POLQ: variants seen among roughly 807,000 people sequenced by gnomAD.
POLQ encodes the protein epididymis secretory sperm binding protein.
In POLQ, 233 loss-of-function variants were observed where a neutral mutation model predicts 259.2. That is an observed-to-expected ratio of 0.90 (90% CI 0.81 to 1.00). The LOEUF (loss-of-function observed/expected upper bound fraction) is 1.00, where lower values mean the gene tolerates loss of function less well. POLQ is among the 50% of genes least tolerant of loss of function. The pLI is 0.00. For synonymous variants in POLQ, 1,025 were observed against 1,048.8 expected (o/e 0.98, Z 0.44); for missense variants, 2,871 against 3,051.6 (o/e 0.94, Z 1.39).
chr3:121,462,547 T>A (rs1245317077), intron 24 of POLQ, among the ~76,000 whole-genome samples: 3 of 152,170 alleles, frequency 2.0e-5, no homozygotes, highest in African/African-American at 7.2e-5. Flanking sequence ...TTCCCTTGGA[T>A]TTTTGACCAA....
intron 8 of POLQ, chr3:121,521,802 C>T (rs2048338141): frequency 3.2e-6 from 1 of 316,414 alleles, no homozygotes; most frequent in African/African-American, 2.2e-5. Flanking sequence ...AACTCCTGAT[C>T]TCAGGTGATC....
Position 121,489,217 on chromosome 3 carries a change from T to C in POLQ, c.3714A>G (p.Glu1238=). The part of the protein sequence containing the change: ...NRDSNVTINC[E]RIKLNTEENK... The stretch of plus-strand genomic sequence containing the variant: ...TTTCCTCTGTATTAAGCTTTATCCT[T>C]TCACAATTGATAGTAACATTTGAGT... The change falls in exon 16 of 30, where the codon GAA becomes GAG. Residue 1238 remains glutamate (E), a synonymous_variant. Transcript: ENST00000264233. 6.2e-7 allele frequency: 1 copy of C among 1,612,344 alleles called. No homozygotes were observed. Among genetic ancestry groups the C allele is most frequent in the East Asian group, 2.2e-5 (1 of 44,862 alleles).
chr3:121,456,296 G>A (rs2108781875), intron 25 of POLQ, among the ~76,000 whole-genome samples: 1 of 152,076 alleles, frequency 6.6e-6, no homozygotes, highest in Non-Finnish European at 1.5e-5. Context: ...GGCAAAAACT[G>A]GAAGCATTCC....
intron 19 of POLQ, among the ~76,000 whole-genome samples, chr3:121,480,067 C>T (rs2047958662): frequency 6.6e-6 from 1 of 151,368 alleles, no homozygotes; most frequent in Non-Finnish European, 1.5e-5. Flanking sequence ...TTAGCAATAG[C>T]TGTATATCAA....
chr3:121,490,919 G>C (rs1237248971), intron 15 of POLQ, among the ~76,000 whole-genome samples: 1 of 151,970 alleles, frequency 6.6e-6, no homozygotes, highest in Non-Finnish European at 1.5e-5. Context: ...GCCAGGCATG[G>C]TAGCGGGTAC....
In POLQ at chr3:121,436,292, A is replaced by T. The variant is rs1326656613; in HGVS notation, c.7390-17T>A. 1.2e-6 allele frequency: 2 copies of T among 1,612,698 alleles called. No homozygotes were observed. Among genetic ancestry groups the T allele is most frequent in the African/African-American group, 1.3e-5 (1 of 74,874 alleles). The stretch of plus-strand genomic sequence containing the variant: ...ACGCTCAGCCTAGAAAAAACAATCA[A>T]CAGGTGCTCCACCAGATATGCCAAC... On this transcript the variant is annotated splice_polypyrimidine_tract_variant and intron_variant, in intron 27 of 29. Coordinates refer to ENST00000264233, the MANE Select transcript of POLQ (RefSeq NM_199420.4).
chr3:121,472,328 A>G (rs1488010268), intron 21 of POLQ, among the ~76,000 whole-genome samples, 164 bp from the exon 22 acceptor site: 5 of 152,258 alleles, frequency 3.3e-5, no homozygotes. Flanking sequence ...TGATAAAACT[A>G]TAACTACAGT....
intron 25 of POLQ, among the ~76,000 whole-genome samples, chr3:121,451,869 T>C (rs1480657109): frequency 1.3e-5 from 2 of 152,240 alleles, no homozygotes; most frequent in East Asian, 1.9e-4. Context: ...TGTTTGGCTA[T>C]GCCCTGCCCC....
At chr3:121,466,691 GAA>G (rs202168653) in intron 24 of POLQ, among the ~76,000 whole-genome samples, 2 of 127,774 alleles carry the variant, frequency 1.6e-5, no homozygotes. Context: ...ACTCCATCTC[GAA>G]AAAAAAAAAA....
intron 7 of POLQ, among the ~76,000 whole-genome samples, chr3:121,525,254 T>A (rs1249758565): frequency 6.6e-6 from 1 of 150,916 alleles, no homozygotes; most frequent in East Asian, 1.9e-4. Context: ...GGCAGGAGAA[T>A]GGCGTGAACC....
intron 25 of POLQ, among the ~76,000 whole-genome samples, chr3:121,451,787 C>A (rs886206377): frequency 2.6e-5 from 4 of 152,138 alleles, no homozygotes. Context: ...AAACTCCGTG[C>A]GGGGAGAACC....
chr3:121,543,543 C>T lies in POLQ; in HGVS notation c.343+1184G>A, dbSNP rs370081521. ...TATATCTGCTGATAATTATTTAATT[C>T]GTCCTTACAGCCATAATGAAAAATC... is the stretch of plus-strand genomic sequence containing the variant. On this transcript the variant is annotated intron_variant, in intron 2 of 29. Coordinates refer to ENST00000264233, the MANE Select transcript of POLQ (RefSeq NM_199420.4). 6.6e-5 allele frequency among the ~76,000 whole-genome samples: 10 copies of T among 152,152 alleles called. No individual in the cohort carries two copies. The East Asian group carries it at 7.7e-4, about 12-fold the overall frequency.
intron 2 of POLQ, among the ~76,000 whole-genome samples, chr3:121,543,902 G>C (rs1270411296): frequency 6.6e-6 from 1 of 151,592 alleles, no homozygotes; most frequent in Non-Finnish European, 1.5e-5. Context: ...TGAATCACTT[G>C]AACCCGGGAG....
intron 3 of POLQ, among the ~76,000 whole-genome samples, chr3:121,540,919 T>C (rs1371156009): frequency 1.3e-5 from 2 of 149,490 alleles, no homozygotes; most frequent in African/African-American, 2.5e-5. Context: ...TGAGACAGAG[T>C]CTTACTCTGT....
chr3:121,447,170 C>CA (rs2047638605), intron 26 of POLQ, among the ~76,000 whole-genome samples: 1 of 109,844 alleles, frequency 9.1e-6, no homozygotes, highest in Admixed American at 1.0e-4. Flanking sequence ...GTCTTATAAC[C>CA]CTTTTTTTTT....
Position 121,483,499 on chromosome 3 carries a change from G to T in POLQ, c.5857C>A (p.Arg1953=), listed in dbSNP as rs150312701. The T allele has an allele frequency of 6.2e-7, 1 of 1,607,912 alleles. No homozygotes were observed. The highest frequency in any genetic ancestry group is 1.7e-5 in the Admixed American group (1 of 58,978). ...DRMWYLQSCL[R]KESDKECSVV... is the part of the protein sequence containing the mutation. ...GAACATTCTTTATCAGATTCCTTTC[G>T]CAAGCAAGATTGAAGGTACCACATC... The change falls in exon 18 of 30, where the codon CGA becomes AGA. Residue 1953 remains arginine, a synonymous_variant. Transcript: ENST00000264233.
At position 121,533,078 on chromosome 3, in the gene POLQ, G is replaced by A. The variant is rs1003257917; in HGVS notation, c.872C>T (p.Pro291Leu). The A allele has an allele frequency of 1.7e-5, 28 of 1,613,816 alleles. No homozygotes were observed. The highest frequency in any genetic ancestry group is 1.6e-4 in the Middle Eastern group (1 of 6,080). Reference protein sequence around the residue: ...ELYHTDFRPVPLLESVKVGNS... With the variant: ...ELYHTDFRPVLLLESVKVGNS... ...TCCAACTTTTACTGACTCCAAAAGC[G>A]GTACAGGGCGAAAGTCGGTATGGTA... The change falls in exon 6 of 30, where the codon CCG becomes CTG. Residue 291 changes from proline (P) to leucine (L), a missense_variant. By Grantham distance (98) the Pro-to-Leu change is moderately conservative. Transcript: ENST00000264233.
chr3:121,458,971 T>A (rs1231293270), intron 25 of POLQ, among the ~76,000 whole-genome samples: 1 of 152,194 alleles, frequency 6.6e-6, no homozygotes, highest in East Asian at 1.9e-4. Flanking sequence ...AGTACGGTGG[T>A]GTGCATTTAC....
chr3:121,434,809 T>C (rs1475041066), intron 28 of POLQ, among the ~76,000 whole-genome samples: 1 of 152,184 alleles, frequency 6.6e-6, no homozygotes, highest in Non-Finnish European at 1.5e-5. Flanking sequence ...CTAGCAGCTT[T>C]TTCTTCCTCT....
Sources: allele counts gnomAD v4.1 joint callset (sites outside exome capture counted in the v4.1 genomes callset), GRCh38; gene constraint gnomAD v4.1.1; transcripts MANE v1.5; gene names NCBI Gene and HGNC (gene_info 2026-07-23, HGNC 2026-07-21).